Variants in MSRA observed in about 807,000 individuals in gnomAD.
MSRA encodes methionine sulfoxide reductase A, also known as mitochondrial peptide methionine sulfoxide reductase.
A neutral mutation model predicts 31.3 loss-of-function variants in MSRA; 54 were observed. That is an observed-to-expected ratio of 1.73 (90% CI 1.39 to 2.17). The LOEUF is 2.17. Ranked by LOEUF, MSRA falls within the 30% of genes most tolerant of loss-of-function variation. The pLI is 0.00. For missense variants in MSRA, 507 were observed against 300.9 expected, an observed-to-expected ratio of 1.69 and a Z score of -5.07; for synonymous variants, 169 against 116.5, an observed-to-expected ratio of 1.45 and a Z score of -2.90.
rs374228378 is a variant in MSRA at position 10,393,027 on chromosome 8, A to G, written c.544-35121A>G. Among the ~76,000 whole-genome samples the G allele has an allele frequency of 1.2e-3, 160 of 135,940 alleles. 3 individuals carry two copies. The South Asian group carries it at 0.035, about 30-fold the overall frequency. The allele number at this position is 135,940 out of a possible 152,430, so 89.2% of individuals were successfully genotyped here. ...CAGTGAGCCGAGATAGCGCCGCTGCACTCCAGCCTGGACGACTGAGCGAGA... is the reference window on the plus strand; with the variant it reads ...CAGTGAGCCGAGATAGCGCCGCTGCGCTCCAGCCTGGACGACTGAGCGAGA... On this transcript the variant is annotated intron_variant, in intron 5 of 5. Transcript: ENST00000317173.
intron 5 of MSRA, among the ~76,000 whole-genome samples, chr8:10,343,777 C>T (rs1803593088): frequency 6.6e-6 from 1 of 152,056 alleles, no homozygotes; most frequent in Non-Finnish European, 1.5e-5. Context: ...CAAACAGCAA[C>T]AAAACCAAAA....
chr8:10,370,949 T>C (rs1677240289), intron 5 of MSRA, among the ~76,000 whole-genome samples: 1 of 152,094 alleles, frequency 6.6e-6, no homozygotes, highest in Non-Finnish European at 1.5e-5. Context: ...CGTGGGCAGG[T>C]CATGAGAAGA....
At chr8:10,184,433 A>T (rs1008226905) in intron 1 of MSRA, among the ~76,000 whole-genome samples, 1 of 151,914 alleles carries the variant, frequency 6.6e-6, no homozygotes, top group Non-Finnish European at 1.5e-5. Context: ...TTCTCTCTAG[A>T]TGTAAAAGGT....
At chr8:10,407,682 G>A (rs1807902006) in intron 5 of MSRA, among the ~76,000 whole-genome samples, 2 of 152,248 alleles carry the variant, frequency 1.3e-5, no homozygotes, top group East Asian at 3.9e-4. Context: ...GGATTCTGTA[G>A]GCAAGAGAAG....
At chr8:10,397,580 A>C (rs561559271) in intron 5 of MSRA, among the ~76,000 whole-genome samples, 1 of 152,198 alleles carries the variant, frequency 6.6e-6, no homozygotes, top group South Asian at 2.1e-4. Flanking sequence ...CACATCTTTC[A>C]TTGGTCTTCA....
intron 3 of MSRA, among the ~76,000 whole-genome samples, chr8:10,275,724 C>T (rs557384093): frequency 1.1e-4 from 16 of 152,220 alleles, no homozygotes; most frequent in African/African-American, 3.6e-4. Flanking sequence ...TGCAGTCGGT[C>T]GACTCTGTCA....
At chr8:10,407,873 C>A (rs1807915138) in intron 5 of MSRA, among the ~76,000 whole-genome samples, 2 of 152,114 alleles carry the variant, frequency 1.3e-5, no homozygotes. Context: ...CATTCTGAAA[C>A]CTGATAAAGT....
chr8:10,071,116 C>G (rs537530757), intron 1 of MSRA, among the ~76,000 whole-genome samples: 1 of 152,358 alleles, frequency 6.6e-6, no homozygotes, highest in East Asian at 1.9e-4. Flanking sequence ...GATATTCCCA[C>G]CAGCAACATA....
chr8:10,214,898 T>C (rs373245988), intron 2 of MSRA, among the ~76,000 whole-genome samples: 46 of 152,274 alleles, frequency 3.0e-4, no homozygotes, highest in African/African-American at 1.1e-3. Flanking sequence ...TCAGATAATA[T>C]AGAGAAGGAG....
intron 2 of MSRA, among the ~76,000 whole-genome samples, chr8:10,215,423 T>C (rs1809902673): frequency 6.6e-6 from 1 of 152,246 alleles, no homozygotes; most frequent in Admixed American, 6.5e-5. Context: ...GGCATGGGGA[T>C]GACAGACCAG....
At chr8:10,273,565 G>A (rs1352780298) in intron 3 of MSRA, among the ~76,000 whole-genome samples, 1 of 152,160 alleles carries the variant, frequency 6.6e-6, no homozygotes, top group Non-Finnish European at 1.5e-5. Flanking sequence ...CATGAGAACA[G>A]TGATAATTAT....
At chr8:10,219,127 C>G (rs951704905) in intron 2 of MSRA, among the ~76,000 whole-genome samples, 1 of 152,204 alleles carries the variant, frequency 6.6e-6, no homozygotes, top group Non-Finnish European at 1.5e-5. Context: ...TGCCTTCAAA[C>G]TGTTGAAATG....
chr8:10,318,172 C>T lies in MSRA; in HGVS notation c.437-1711C>T, dbSNP rs146739208. On this transcript the variant is annotated intron_variant, in intron 4 of 5. Transcript: ENST00000317173. Reference sequence around the variant, plus strand: ...TTGGAAGGAGAAAGGGCTTTGGTGTCGGGGCCATCAAAGTTTAAATCGCAG... The same window carrying T: ...TTGGAAGGAGAAAGGGCTTTGGTGTTGGGGCCATCAAAGTTTAAATCGCAG... Among the ~76,000 whole-genome samples the T allele has an allele frequency of 5.8e-3, 878 of 152,288 alleles. 7 individuals carry two copies. The highest frequency in any genetic ancestry group is 0.044 in the Middle Eastern group (13 of 294).
intron 2 of MSRA, among the ~76,000 whole-genome samples, chr8:10,231,357 G>C (rs147200978): frequency 7.2e-5 from 11 of 152,354 alleles, no homozygotes; most frequent in African/African-American, 2.6e-4. Context: ...GCTTTTCTGT[G>C]AAGGATCTAG....
chr8:10,373,362 G>GT lies in MSRA; in HGVS notation c.543+53380dup, dbSNP rs762233801. Among the ~76,000 whole-genome samples, 4 of 152,360 alleles carry GT rather than the reference G, an allele frequency of 2.6e-5. No individual in the cohort carries two copies. In the South Asian group the frequency reaches 6.2e-4, roughly 24 times the overall value. On this transcript the variant is annotated intron_variant, in intron 5 of 5. Transcript: ENST00000317173. The stretch of plus-strand genomic sequence containing the variant: ...TGAACCCAGGACTGTCTGACCAGTG[G>GT]TTTTTTTCTCTTTTTAGAGACAGGG...
intron 1 of MSRA, among the ~76,000 whole-genome samples, chr8:10,158,094 C>G (rs567860792): frequency 6.6e-6 from 1 of 152,304 alleles, no homozygotes; most frequent in South Asian, 2.1e-4. Context: ...CTTACGGTGT[C>G]CTCACATGCT....
intron 5 of MSRA, among the ~76,000 whole-genome samples, chr8:10,414,199 A>G (rs1186290889): frequency 6.6e-6 from 1 of 151,984 alleles, no homozygotes; most frequent in African/African-American, 2.4e-5. Context: ...TATGTGAACT[A>G]CCTCTCAATA....
chr8:10,168,725 C>T (rs368161832), intron 1 of MSRA, among the ~76,000 whole-genome samples: 11 of 152,146 alleles, frequency 7.2e-5, no homozygotes, highest in Admixed American at 2.6e-4. Flanking sequence ...CCATCCCTTG[C>T]GGGGATTTGA....
intron 1 of MSRA, among the ~76,000 whole-genome samples, chr8:10,147,038 C>G (rs1019811994): frequency 4.6e-5 from 7 of 152,108 alleles, no homozygotes; most frequent in Admixed American, 3.9e-4. Flanking sequence ...GCGAGGTGGC[C>G]CTTCCCAGGT....
Sources: allele counts gnomAD v4.1 joint callset (sites outside exome capture counted in the v4.1 genomes callset), GRCh38; gene constraint gnomAD v4.1.1; transcripts MANE v1.5; gene names NCBI Gene and HGNC (gene_info 2026-07-23, HGNC 2026-07-21).